Variants in TRMT9B observed in about 807,000 individuals in gnomAD.
TRMT9B encodes the protein tRNA methyltransferase 9B (putative).
Under a neutral mutation model 11.5 loss-of-function variants are expected in TRMT9B, and 16 were observed. The ratio of observed to expected loss-of-function variants is 1.39; its 90% CI spans 0.94 to 2.11. The LOEUF is 2.11. Ranked by LOEUF, TRMT9B falls within the 30% of genes most tolerant of loss-of-function variation. The probability of loss-of-function intolerance (pLI) is 0.00; values close to 1 mark genes in which losing one functional copy is unlikely to be tolerated. For synonymous variants in TRMT9B, 274 were observed against 192.4 expected (o/e 1.42, Z -3.51); for missense variants, 941 against 553.8 (o/e 1.70, Z -7.02).
Position 12,974,431 on chromosome 8 carries a change from A to G in TRMT9B, c.-199-16403A>G, listed in dbSNP as rs1279458382. The stretch of plus-strand genomic sequence containing the variant: ...ATTTCAGAAGTGAGAACGTTTTGTG[A>G]CCTGGAGAGCATTTACTTACTATTG... On this transcript the variant is annotated intron_variant, in intron 1 of 4. Transcript: ENST00000524591. Among the ~76,000 whole-genome samples, 7 of 152,280 alleles carry G rather than the reference A, an allele frequency of 4.6e-5. No homozygotes were observed. The South Asian group carries it at 1.0e-3, about 23-fold the overall frequency.
Position 13,021,254 on chromosome 8 carries a change from C to T in TRMT9B, c.575C>T (p.Pro192Leu). The T allele has an allele frequency of 6.2e-7, 1 of 1,613,988 alleles. No homozygotes were observed. The highest frequency in any genetic ancestry group is 8.5e-7 in the Non-Finnish European group (1 of 1,179,878). Residue 192 changes from proline (P) to leucine (L), a missense_variant, in exon 5 of 5, where the codon CCT becomes CTT. Coordinates refer to ENST00000524591, the MANE Select transcript of TRMT9B (RefSeq NM_020844.3). ...GYPERGHPYH[P>L]PCSECSCSVC... ...CCAGAAAGAGGCCATCCCTACCATC[C>T]TCCTTGCTCTGAGTGTAGCTGTTCT...
At chr8:12,951,274 A>T (rs1167968364) in intron 1 of TRMT9B, 1 of 152,236 alleles carries the variant, frequency 6.6e-6, no homozygotes, top group African/African-American at 2.4e-5. Flanking sequence ...CCCCATCTCC[A>T]GTTATCCCAA....
rs372404338 is a variant in TRMT9B at position 12,983,892 on chromosome 8, G to C, written c.-199-6942G>C. Among the ~76,000 whole-genome samples the C allele has an allele frequency of 1.1e-3, 164 of 152,236 alleles. 1 individual carries two copies. Among genetic ancestry groups the C allele is most frequent in the African/African-American group, 3.8e-3 (158 of 41,546 alleles). On this transcript the variant is annotated intron_variant, in intron 1 of 4. Transcript: ENST00000524591. Reference sequence around the variant, plus strand: ...TGACACAGGTATCTCATGTTGTGCTGCTTGGCTACCCTGAACACTTTTTTT... The same window carrying C: ...TGACACAGGTATCTCATGTTGTGCTCCTTGGCTACCCTGAACACTTTTTTT...
chr8:13,024,819 A>T lies in TRMT9B; in HGVS notation c.*2775A>T, dbSNP rs796626777. The T allele has an allele frequency of 6.0e-6, 1 of 166,992 alleles. No individual in the cohort carries two copies. The highest frequency in any genetic ancestry group is 6.5e-5 in the Admixed American group (1 of 15,290). The allele number at this position is 166,992 out of a possible 1,614,324, so 10.3% of individuals were successfully genotyped here. ...TCTATGCATCCAGATATTATTTTGT[A>T]TACAAATATTTAATTTGGTGATTGA... On this transcript the variant is annotated 3_prime_UTR_variant, in exon 5 of 5. Transcript: ENST00000524591.
In TRMT9B at chr8:13,021,896, C is replaced by G; in HGVS notation, c.1217C>G (p.Thr406Arg). The G allele has an allele frequency of 6.2e-7, 1 of 1,613,818 alleles. No homozygotes were observed. Among genetic ancestry groups the G allele is most frequent in the Non-Finnish European group, 8.5e-7 (1 of 1,179,880 alleles). ...CCACAGACTGATGTTTTGGACTCCA[C>G]AGCCTTTATGCGCTACTACCATGTG... ...EDPQTDVLDS[T>R]AFMRYYHVFR... The change falls in exon 5 of 5, where the codon ACA (threonine) becomes AGA (arginine). Residue 406 changes from threonine to arginine, a missense_variant. By Grantham distance (71) the Thr-to-Arg change is moderately conservative. Transcript: ENST00000524591.
intron 1 of TRMT9B, among the ~76,000 whole-genome samples, chr8:12,968,006 T>G (rs1363421202): frequency 6.6e-6 from 1 of 152,204 alleles, no homozygotes; most frequent in African/African-American, 2.4e-5. Context: ...CACCTCAGCC[T>G]CCTGAGCAGC....
At chr8:12,946,835 A>G (rs570034279) in intron 1 of TRMT9B, among the ~76,000 whole-genome samples, 24 of 152,342 alleles carry the variant, frequency 1.6e-4, no homozygotes, top group Non-Finnish European at 2.8e-4. Flanking sequence ...ATAAAACCCT[A>G]TAAGAGAAGA....
At chr8:12,959,421 A>T (rs1197735131) in intron 1 of TRMT9B, among the ~76,000 whole-genome samples, 1 of 149,222 alleles carries the variant, frequency 6.7e-6, no homozygotes, top group African/African-American at 2.5e-5. Context: ...TGTTGTCTTT[A>T]TGTCCATGCA....
At chr8:13,010,416 G>C in intron 3 of TRMT9B, 3 of 984,704 alleles carry the variant, frequency 3.0e-6, no homozygotes, top group Non-Finnish European at 3.6e-6. Flanking sequence ...GTCCTCTAAA[G>C]GAAATGGTTT....
intron 3 of TRMT9B, chr8:13,011,089 AT>A: frequency 5.2e-6 from 2 of 386,526 alleles, no homozygotes; most frequent in Non-Finnish European, 7.1e-6. Flanking sequence ...AATTTAAGTG[AT>A]TTTTTTCTGC....
At position 12,998,986 on chromosome 8, in the gene TRMT9B, C is replaced by A. The variant is rs57844201; in HGVS notation, c.-1-7216C>A. 9.7e-3 allele frequency among the ~76,000 whole-genome samples: 1,469 copies of A among 152,016 alleles called. 35 individuals are homozygous for A. Among genetic ancestry groups the A allele is most frequent in the African/African-American group, 0.033 (1,382 of 41,454 alleles). ...CACCTCTCTATCCCTGTTTCTTTAC[C>A]CAGAAACATGGCATTAAGAAAGATT... On this transcript the variant is annotated intron_variant, in intron 2 of 4. Coordinates refer to ENST00000524591, the MANE Select transcript of TRMT9B (RefSeq NM_020844.3).
chr8:13,021,013 C>A lies in TRMT9B; in HGVS notation c.334C>A (p.His112Asn), dbSNP rs768007415. Residue 112 changes from histidine (H) to asparagine (N), a missense_variant, in exon 5 of 5, where the codon CAT becomes AAT. Physicochemically the swap from His to Asn is moderately conservative, Grantham distance 68 (BLOSUM62 1). Transcript: ENST00000524591. ...FDAIISIGVI[H>N]HFSTKQRRIR... ...TCTAGTTTTGTCTTTTTCAGTCATA[C>A]ATCATTTTTCTACAAAACAAAGAAG... 1.7e-5 allele frequency: 26 copies of A among 1,537,568 alleles called. No individual in the cohort carries two copies. The highest frequency in any genetic ancestry group is 6.8e-5 in the African/African-American group (5 of 73,034).
At chr8:12,981,631 G>A (rs553697522) in intron 1 of TRMT9B, among the ~76,000 whole-genome samples, 5 of 151,366 alleles carry the variant, frequency 3.3e-5, no homozygotes, top group South Asian at 2.1e-4. Flanking sequence ...ACAGGGTCTC[G>A]CTCTATTGCC....
intron 1 of TRMT9B, among the ~76,000 whole-genome samples, chr8:12,978,855 A>C (rs776961284): frequency 2.6e-5 from 4 of 152,204 alleles, no homozygotes; most frequent in Non-Finnish European, 5.9e-5. Flanking sequence ...CCATGTTAAT[A>C]AACTCAATAT....
chr8:13,017,427 A>G (rs4436129), intron 4 of TRMT9B, among the ~76,000 whole-genome samples: 48,171 of 151,978 alleles, frequency 0.32, 8,937 homozygotes, highest in Middle Eastern at 0.53. Context: ...TTTGCCTTTA[A>G]GTTGTGATTA....
intron 3 of TRMT9B, chr8:13,007,717 C>G (rs969630581): frequency 6.6e-6 from 1 of 152,014 alleles, no homozygotes; most frequent in Non-Finnish European, 1.5e-5. Context: ...AAGCCACGTA[C>G]CAGGATCTTA....
At chr8:12,994,780 CA>C (rs1808039647) in intron 2 of TRMT9B, among the ~76,000 whole-genome samples, 1 of 152,194 alleles carries the variant, frequency 6.6e-6, no homozygotes, top group Admixed American at 6.5e-5. Context: ...CTTTCGGGTT[CA>C]AGCAATTCTC....
chr8:12,946,613 G>A (rs1247396961), intron 1 of TRMT9B, among the ~76,000 whole-genome samples: 2 of 152,180 alleles, frequency 1.3e-5, no homozygotes, highest in South Asian at 2.1e-4. Flanking sequence ...GCAGGTTTAT[G>A]AGAAGACCAA....
intron 4 of TRMT9B, among the ~76,000 whole-genome samples, chr8:13,018,321 G>A (rs576417339): frequency 6.9e-6 from 1 of 145,074 alleles, no homozygotes; most frequent in East Asian, 2.3e-4. Context: ...AGAATCACCT[G>A]AACTCAGAAG....
Sources: gnomAD v4.1 joint callset for allele counts (sites outside exome capture counted in the v4.1 genomes callset) on GRCh38, gnomAD v4.1.1 for gene constraint, MANE v1.5 for transcripts, NCBI Gene and HGNC (gene_info 2026-07-23, HGNC 2026-07-21) for gene names.